The following COPG2 variants were observed in gnomAD, a reference collection of about 807,000 sequenced individuals.
The protein encoded by COPG2 is coatomer subunit gamma-2.
Under a neutral mutation model 46.3 loss-of-function variants are expected in COPG2, and 37 were observed. The observed-to-expected ratio is 0.80, with a 90% CI of 0.61 to 1.05. The LOEUF is 1.05. Ranked by LOEUF, COPG2 falls within the 50% of genes least tolerant of loss-of-function variation. COPG2 has a pLI of 0.00. For missense variants in COPG2, 427 were observed against 387.8 expected, an observed-to-expected ratio of 1.10 and a Z score of -0.85; for synonymous variants, 159 against 129.7, an observed-to-expected ratio of 1.23 and a Z score of -1.53.
chr7:130,554,979 T>C lies in COPG2; in HGVS notation c.1224+58A>G, dbSNP rs924780243. ...AATCTTAAAACACTATGGTATTTCA[T>C]GGCAATCCTAAGAATTTAAGACAGC... On this transcript the variant is annotated intron_variant, in intron 13 of 23. Coordinates refer to ENST00000425248, the MANE Select transcript of COPG2 (RefSeq NM_012133.6). 7.6e-4 allele frequency: 302 copies of C among 398,264 alleles called. 3 individuals are homozygous for C. Among genetic ancestry groups the C allele is most frequent in the African/African-American group, 5.4e-3 (261 of 48,748 alleles). 24.7% of individuals were successfully genotyped at this position (398,264 alleles called of 1,614,324 possible).
chr7:130,510,935 A>G (rs782304403), intron 20 of COPG2: 2 of 519,980 alleles, frequency 3.8e-6, no homozygotes, highest in Admixed American at 1.9e-5. Context: ...GGCAAATACC[A>G]AAGAGAATCA....
chr7:130,623,684 C>T (rs1044879007), intron 5 of COPG2, among the ~76,000 whole-genome samples: 1 of 152,050 alleles, frequency 6.6e-6, no homozygotes, highest in Non-Finnish European at 1.5e-5. Flanking sequence ...TTGAGTTGGC[C>T]TATTAAAAAA....
intron 14 of COPG2, among the ~76,000 whole-genome samples, chr7:130,552,857 G>T (rs921903846): frequency 6.6e-6 from 1 of 152,202 alleles, no homozygotes; most frequent in Non-Finnish European, 1.5e-5. Context: ...TACTGGGACA[G>T]ATAAAAGACA....
rs1584958817 is a variant in COPG2 at position 130,511,383 on chromosome 7, G to A, written c.2150-2724C>T. 3 of 519,472 alleles carry A rather than the reference G, an allele frequency of 5.8e-6. No individual in the cohort carries two copies. In the East Asian group the frequency reaches 1.6e-4, roughly 28 times the overall value. The allele number at this position is 519,472 out of a possible 1,614,324, so 32.2% of individuals were successfully genotyped here. A position where few individuals can be genotyped will look rare whatever the true frequency, so the allele number is the denominator to read the frequency against. On this transcript the variant is annotated intron_variant, in intron 20 of 23. Transcript: ENST00000425248. ...TGGACTGAACTGAGAAGCAATGGGT[G>A]CAGCATAGTGTGTAGGACATCGAGG...
In COPG2 at chr7:130,577,049, C is replaced by T. The variant is rs1794011048; in HGVS notation, c.738-12656G>A. Among the ~76,000 whole-genome samples the T allele has an allele frequency of 2.6e-5, 4 of 152,274 alleles. No homozygotes were observed. The South Asian group carries it at 8.3e-4, about 32-fold the overall frequency. The stretch of plus-strand genomic sequence containing the variant: ...AAACTGCTGGAAAAATACAACTCTC[C>T]TAGCTTAAATCAGGAAGAATTAGAT... On this transcript the variant is annotated intron_variant, in intron 9 of 23. Transcript: ENST00000425248.
At chr7:130,656,532 A>G (rs1473610544) in intron 4 of COPG2, among the ~76,000 whole-genome samples, 3 of 152,198 alleles carry the variant, frequency 2.0e-5, no homozygotes, top group Non-Finnish European at 4.4e-5. Context: ...GAATGGCATC[A>G]TATATACATT....
chr7:130,588,106 A>T (rs1304580804), intron 9 of COPG2, among the ~76,000 whole-genome samples: 8 of 150,658 alleles, frequency 5.3e-5, no homozygotes, highest in Non-Finnish European at 1.0e-4. Context: ...ATACCATCTC[A>T]CAACAGTTAG....
intron 20 of COPG2, among the ~76,000 whole-genome samples, chr7:130,532,701 TC>T (rs1799840450): frequency 6.6e-6 from 1 of 152,004 alleles, no homozygotes; most frequent in Non-Finnish European, 1.5e-5. Context: ...GTGAAAGGTA[TC>T]GGGAAGGCTT....
chr7:130,573,729 A>T (rs1488745883), intron 9 of COPG2, among the ~76,000 whole-genome samples: 5 of 152,152 alleles, frequency 3.3e-5, no homozygotes, highest in African/African-American at 1.2e-4. Context: ...CGTGATTTTT[A>T]AAAAACTTTT....
At chr7:130,594,083 A>G (rs1313608378) in intron 9 of COPG2, among the ~76,000 whole-genome samples, 2 of 152,332 alleles carry the variant, frequency 1.3e-5, no homozygotes, top group East Asian at 1.9e-4. Context: ...TAGAAAATCA[A>G]TGGGAACAAA....
chr7:130,622,362 T>C (rs1795055151), intron 5 of COPG2, among the ~76,000 whole-genome samples: 1 of 152,270 alleles, frequency 6.6e-6, no homozygotes, highest in South Asian at 2.1e-4. Context: ...AAACACTCAG[T>C]GCATACCTGA....
intron 20 of COPG2, chr7:130,509,111 A>G: frequency 2.2e-6 from 1 of 448,676 alleles, no homozygotes; most frequent in East Asian, 6.5e-5. Flanking sequence ...CAGCATCTCA[A>G]TACTATCTTT....
Position 130,566,058 on chromosome 7 carries a change from T to G in COPG2, c.738-1665A>C, listed in dbSNP as rs1457566582. ...ACCATGGCTGAAAACCTCATAAGTTTGATTTAGAAAAAACATTAATTTATG... is the reference window on the plus strand; with the variant it reads ...ACCATGGCTGAAAACCTCATAAGTTGGATTTAGAAAAAACATTAATTTATG... On this transcript the variant is annotated intron_variant, in intron 9 of 23. Coordinates refer to ENST00000425248, the MANE Select transcript of COPG2 (RefSeq NM_012133.6). Among the ~76,000 whole-genome samples the G allele has an allele frequency of 1.1e-4, 17 of 152,276 alleles. No homozygotes were observed. In the East Asian group the frequency reaches 3.1e-3, roughly 28 times the overall value.
At chr7:130,603,924 T>G (rs2116486848) in intron 9 of COPG2, 4 of 488,274 alleles carry the variant, frequency 8.2e-6, no homozygotes, top group South Asian at 6.0e-5. Context: ...AAATAGTTCA[T>G]TAACACGTTT....
At chr7:130,511,513 G>C (rs782201288) in intron 20 of COPG2, 9 of 519,902 alleles carry the variant, frequency 1.7e-5, no homozygotes, top group African/African-American at 9.6e-5. Flanking sequence ...TTTTTCTCTA[G>C]GACAAATTCA....
At chr7:130,562,602 A>G (rs1361772639) in intron 11 of COPG2, among the ~76,000 whole-genome samples, 3 of 152,210 alleles carry the variant, frequency 2.0e-5, no homozygotes, top group African/African-American at 4.8e-5. Flanking sequence ...GCCAACAGCA[A>G]CATGTGACTA....
intron 9 of COPG2, chr7:130,608,149 ATCC>A (rs1457094301): frequency 7.4e-6 from 3 of 408,048 alleles, no homozygotes; most frequent in Admixed American, 3.2e-5. Flanking sequence ...TATAATATTC[ATCC>A]TCAAGAGATT....
At chr7:130,516,090 G>A in intron 20 of COPG2, among the ~76,000 whole-genome samples, 1 of 152,088 alleles carries the variant, frequency 6.6e-6, no homozygotes, top group East Asian at 1.9e-4. Flanking sequence ...AATGAAGGAG[G>A]GATACTGAAT....
chr7:130,519,139 G>A (rs1027270963), intron 20 of COPG2, among the ~76,000 whole-genome samples: 1 of 152,168 alleles, frequency 6.6e-6, no homozygotes, highest in Non-Finnish European at 1.5e-5. Flanking sequence ...ATGTTAAACA[G>A]GGAAGGGTAT....
Sources: gnomAD v4.1 joint callset for allele counts (sites outside exome capture counted in the v4.1 genomes callset) on GRCh38, gnomAD v4.1.1 for gene constraint, MANE v1.5 for transcripts, NCBI Gene and HGNC (gene_info 2026-07-23, HGNC 2026-07-21) for gene names.